ATP2B2: variants seen among roughly 807,000 people sequenced by gnomAD.
The protein encoded by ATP2B2 is ATPase plasma membrane Ca2+ transporting 2.
A neutral mutation model predicts 120.0 loss-of-function variants in ATP2B2; 15 were observed. The ratio of observed to expected loss-of-function variants is 0.12; its 90% CI spans 0.08 to 0.19. ATP2B2 has a LOEUF of 0.19. Ranked by LOEUF, ATP2B2 falls within the 10% of genes least tolerant of loss-of-function variation. The pLI is 1.00. For missense variants in ATP2B2, 1,045 were observed against 1,719.8 expected (o/e 0.61, Z 6.94); for synonymous variants, 694 against 700.3 (o/e 0.99, Z 0.14).
chr3:10,471,855 C>T (rs1043229026), intron 1 of ATP2B2, among the ~76,000 whole-genome samples: 16 of 151,686 alleles, frequency 1.1e-4, no homozygotes, highest in African/African-American at 3.6e-4. Context: ...CCGAGGCGGG[C>T]GGATAACGAG....
rs1396529832 is a variant in ATP2B2 at position 10,343,367 on chromosome 3, G to A, written c.2704-402C>T. Among the ~76,000 whole-genome samples the A allele has an allele frequency of 6.2e-5, 4 of 64,340 alleles. No individual in the cohort carries two copies. The highest frequency in any genetic ancestry group is 4.1e-4 in the South Asian group (1 of 2,436). The allele number at this position is 64,340 out of a possible 152,430, so 42.2% of individuals were successfully genotyped here. ...CTCCCCCCACTGCCTCCTCCCCCTC[G>A]GGCTTTCTATCCTACAAACAGTGCC... On this transcript the variant is annotated intron_variant, in intron 18 of 22. Coordinates refer to ENST00000360273, the MANE Select transcript of ATP2B2 (RefSeq NM_001001331.4). This position sits in a 1 kb window ranked among gnomAD's most constrained non-coding sequence, Gnocchi z 4.2.
At chr3:10,618,880 A>T (rs2125620961) in intron 2 of ATP2B2, among the ~76,000 whole-genome samples, 1 of 152,330 alleles carries the variant, frequency 6.6e-6, no homozygotes, top group African/African-American at 2.4e-5. Context: ...TGATATTTTG[A>T]TGGAAGCTTT....
chr3:10,507,416 G>C (rs4684702), upstream of ATP2B2, among the ~76,000 whole-genome samples: 2,310 of 152,186 alleles, frequency 0.015, 37 homozygotes, highest in Admixed American at 0.035. Context: ...CTCCACCCCA[G>C]GGACCAGGGC....
chr3:10,702,627 G>C (rs907724274), intron 1 of ATP2B2, among the ~76,000 whole-genome samples: 6 of 152,190 alleles, frequency 3.9e-5, no homozygotes, highest in Non-Finnish European at 7.3e-5. Flanking sequence ...AGCCTTTCCA[G>C]GTTCATCTGC....
At chr3:10,563,841 T>C (rs1175593926) in intron 2 of ATP2B2, among the ~76,000 whole-genome samples, 3 of 152,234 alleles carry the variant, frequency 2.0e-5, no homozygotes, top group Admixed American at 6.5e-5. Flanking sequence ...CCAGAGAGGC[T>C]AAGCAACTTG....
At chr3:10,595,143 C>A (rs1365840891) in intron 2 of ATP2B2, among the ~76,000 whole-genome samples, 1 of 152,230 alleles carries the variant, frequency 6.6e-6, no homozygotes, top group African/African-American at 2.4e-5. Context: ...TTCCTAGATT[C>A]TCATAGGCCC....
intron 2 of ATP2B2, among the ~76,000 whole-genome samples, chr3:10,575,516 G>A (rs2068224649): frequency 6.6e-6 from 1 of 152,200 alleles, no homozygotes; most frequent in Admixed American, 6.5e-5. Flanking sequence ...GGTGATGGTT[G>A]CACAATGATG....
intron 1 of ATP2B2, among the ~76,000 whole-genome samples, chr3:10,491,157 T>G (rs2065918446): frequency 6.6e-6 from 1 of 151,954 alleles, no homozygotes; most frequent in African/African-American, 2.4e-5. Context: ...AGGGAAGCTC[T>G]GACTCCGGGC....
Position 10,385,315 on chromosome 3 carries a change from G to A in ATP2B2, c.953C>T (p.Ala318Val), listed in dbSNP as rs747289941. 53 of 1,613,712 alleles carry A rather than the reference G, an allele frequency of 3.3e-5. No homozygotes were observed. The East Asian group carries it at 7.4e-4, about 22-fold the overall frequency. ...ACTATCTGCAGCATTTGAAGCTGCCGCACCGTCTGCTGCTGCAGGGGGGTG... is the reference window on the plus strand; with the variant it reads ...ACTATCTGCAGCATTTGAAGCTGCCACACCGTCTGCTGCTGCAGGGGGGTG... ...DGLQLPAADG[A>V]AASNAADSAN... The change falls in exon 8 of 23, where the codon GCG (alanine) becomes GTG (valine). Residue 318 changes from alanine to valine, a missense_variant. Physicochemically the swap from Ala to Val is moderately conservative, Grantham distance 64. Around this residue, in one of 11 missense-constraint regions of ATP2B2, gnomAD observed 145 missense variants for 202.0 expected, o/e 0.72. Transcript: ENST00000360273.
intron 2 of ATP2B2, among the ~76,000 whole-genome samples, chr3:10,551,165 T>C (rs55991023): frequency 0.056 from 8,601 of 152,328 alleles, 424 homozygotes; most frequent in African/African-American, 0.13. Flanking sequence ...ACGTATTTTC[T>C]ACTGCCCCCT....
intron 5 of ATP2B2, among the ~76,000 whole-genome samples, chr3:10,388,844 T>G (rs2061760143): frequency 6.6e-6 from 1 of 152,242 alleles, no homozygotes. Context: ...TGCTCATCTC[T>G]ATTTTATAAA....
At chr3:10,594,633 G>C (rs940845465) in intron 2 of ATP2B2, among the ~76,000 whole-genome samples, 1 of 151,596 alleles carries the variant, frequency 6.6e-6, no homozygotes, top group Non-Finnish European at 1.5e-5. Flanking sequence ...GAGTTAATGG[G>C]TGCAGCACAC....
At chr3:10,574,968 C>A (rs1377790289) in intron 2 of ATP2B2, among the ~76,000 whole-genome samples, 1 of 152,144 alleles carries the variant, frequency 6.6e-6, no homozygotes, top group Non-Finnish European at 1.5e-5. Flanking sequence ...TGACTTGACA[C>A]CTGGGCCTGT....
upstream of ATP2B2, among the ~76,000 whole-genome samples, chr3:10,506,622 G>C (rs2066635804): frequency 6.6e-6 from 1 of 152,110 alleles, no homozygotes; most frequent in African/African-American, 2.4e-5. Context: ...CTGAAGCCTT[G>C]GCCTCCACTG....
intron 2 of ATP2B2, among the ~76,000 whole-genome samples, chr3:10,567,908 T>C (rs1476457573): frequency 6.6e-6 from 1 of 152,200 alleles, no homozygotes. Flanking sequence ...ACTGTACCGA[T>C]AGGGACCATG....
chr3:10,675,601 A>G (rs2071221638), intron 1 of ATP2B2, among the ~76,000 whole-genome samples: 1 of 152,170 alleles, frequency 6.6e-6, no homozygotes, highest in Non-Finnish European at 1.5e-5. Context: ...GTTCCGGTGT[A>G]GCCCAGGGTG....
chr3:10,570,533 C>T (rs1310049299), intron 2 of ATP2B2, among the ~76,000 whole-genome samples: 1 of 152,202 alleles, frequency 6.6e-6, no homozygotes, highest in Non-Finnish European at 1.5e-5. Context: ...ACTTGTTGCA[C>T]CTGAAACAAT....
chr3:10,380,795 T>G (rs2061510991), intron 8 of ATP2B2, among the ~76,000 whole-genome samples: 1 of 152,178 alleles, frequency 6.6e-6, no homozygotes, highest in African/African-American at 2.4e-5. Context: ...TCATCAAGCT[T>G]CCACTTTCAT....
chr3:10,324,669 T>G lies in ATP2B2; in HGVS notation c.*4145A>C, dbSNP rs2059832692. 1.3e-5 allele frequency: 2 copies of G among 152,298 alleles called. No homozygotes were observed. The highest frequency in any genetic ancestry group is 4.1e-4 in the South Asian group (2 of 4,822). 9.4% of individuals were successfully genotyped at this position (152,298 alleles called of 1,614,324 possible). A position where few individuals can be genotyped will look rare whatever the true frequency, so the allele number is the denominator to read the frequency against. The stretch of plus-strand genomic sequence containing the variant: ...CACCAGGTTGGCAGCCTCCTGCAGG[T>G]AGCGCAAGAGTGGGCTAGGGGAGTG... On this transcript the variant is annotated 3_prime_UTR_variant, in exon 23 of 23. Transcript: ENST00000360273.
Sources: allele counts gnomAD v4.1 joint callset (sites outside exome capture counted in the v4.1 genomes callset), GRCh38; gene constraint gnomAD v4.1.1; regional missense constraint gnomAD v4.1.1; non-coding constraint Gnocchi (gnomAD v3.1); transcripts MANE v1.5; gene names NCBI Gene and HGNC (gene_info 2026-07-23, HGNC 2026-07-21).